KCNA6: variants seen among roughly 807,000 people sequenced by gnomAD.
KCNA6 encodes the protein human brain potassium channel-2.
A neutral mutation model predicts 29.5 loss-of-function variants in KCNA6; 17 were observed. The ratio of observed to expected loss-of-function variants is 0.58; its 90% CI spans 0.39 to 0.86. The LOEUF is 0.86. Ranked by LOEUF, KCNA6 falls within the 40% of genes least tolerant of loss-of-function variation. KCNA6 has a pLI of 0.00. For missense variants in KCNA6, 450 were observed against 703.4 expected, an observed-to-expected ratio of 0.64 and a Z score of 4.07; for synonymous variants, 296 against 304.7, an observed-to-expected ratio of 0.97 and a Z score of 0.30.
chr12:4,843,307 T>A, the KCNA6 span, among the ~76,000 whole-genome samples: 3 of 151,790 alleles, frequency 2.0e-5, no homozygotes, highest in Admixed American at 1.3e-4. Flanking sequence ...CAGCCTCCCG[T>A]GTAGCTGGGA....
the KCNA6 span, among the ~76,000 whole-genome samples, chr12:4,818,919 CATACATACAT>C: frequency 6.6e-6 from 1 of 151,870 alleles, no homozygotes; most frequent in East Asian, 1.9e-4. Flanking sequence ...CATACATACA[CATACATACAT>C]ACACAAAAAC....
the KCNA6 span, chr12:4,850,669 C>A: frequency 2.7e-6 from 1 of 373,370 alleles, no homozygotes; most frequent in Non-Finnish European, 5.5e-6. This position sits in a 1 kb window ranked among gnomAD's most constrained non-coding sequence, Gnocchi z 5.4. Context: ...TTTCTCAGTT[C>A]CATCCCTCAT....
chr12:4,837,216 G>C, the KCNA6 span, among the ~76,000 whole-genome samples: 3 of 152,216 alleles, frequency 2.0e-5, no homozygotes, highest in Non-Finnish European at 4.4e-5. Flanking sequence ...AACACATTGA[G>C]GTTCCTAGAA....
At position 4,811,695 on chromosome 12, in the gene KCNA6, A is replaced by C; in HGVS notation, c.*64A>C. The C allele has an allele frequency of 4.1e-5, 63 of 1,532,800 alleles. No homozygotes were observed. The highest frequency in any genetic ancestry group is 1.8e-4 in the Middle Eastern group (1 of 5,662). The allele number at this position is 1,532,800 out of a possible 1,614,324, so 94.9% of individuals were successfully genotyped here. A position where few individuals can be genotyped will look rare whatever the true frequency, so the allele number is the denominator to read the frequency against. Reference sequence around the variant, plus strand: ...TAACAGTCTCTTAGGCTTCCTTCTCATTTCCACTACTCACTCTAGCTTCAG... The same window carrying C: ...TAACAGTCTCTTAGGCTTCCTTCTCCTTTCCACTACTCACTCTAGCTTCAG... On this transcript the variant is annotated 3_prime_UTR_variant, in exon 1 of 1. Coordinates refer to ENST00000280684, the Ensembl canonical transcript of KCNA6. The surrounding 1 kb of genome is among the most constrained non-coding windows in gnomAD (Gnocchi z 7.1).
chr12:4,812,050 C>T (rs1019496036), exon 1 of KCNA6: 9 of 186,876 alleles, frequency 4.8e-5, no homozygotes, highest in Admixed American at 2.3e-4. Flanking sequence ...TGTGCGTTTC[C>T]TAGCTTCAGG....
chr12:4,816,088 G>T (rs1288179671), downstream of KCNA6, among the ~76,000 whole-genome samples: 1 of 152,216 alleles, frequency 6.6e-6, no homozygotes, highest in Non-Finnish European at 1.5e-5. Context: ...CATCTGGGCT[G>T]GGAGAACGGT....
chr12:4,811,019 A>G lies in KCNA6; in HGVS notation c.978A>G (p.Gly326=), dbSNP rs1323538582. Residue 326 remains glycine (G), a synonymous_variant, in exon 1 of 1, where the codon GGA becomes GGG. Coordinates refer to ENST00000280684, the Ensembl canonical transcript of KCNA6. This position sits in a 1 kb window ranked among gnomAD's most constrained non-coding sequence, Gnocchi z 7.1. ...AGCAGGAGCAGCAACCAGCCAGTGG[A>G]GGAGGCGGCCAGAATGGGCAGCAGG... 3 of 1,614,232 alleles carry G rather than the reference A, an allele frequency of 1.9e-6. No homozygotes were observed.
At chr12:4,840,939 G>A in the KCNA6 span, among the ~76,000 whole-genome samples, 14 of 152,276 alleles carry the variant, frequency 9.2e-5, no homozygotes, top group South Asian at 2.9e-3. Flanking sequence ...TGTCTGAGGG[G>A]AGCTTATTTA....
chr12:4,823,151 AGTT>A, the KCNA6 span, among the ~76,000 whole-genome samples: 2 of 152,140 alleles, frequency 1.3e-5, no homozygotes, highest in Non-Finnish European at 1.5e-5. Flanking sequence ...GTTTCCAAAA[AGTT>A]GTTGTTGTTT....
At chr12:4,849,566 TG>T in the KCNA6 span, among the ~76,000 whole-genome samples, 2 of 146,264 alleles carry the variant, frequency 1.4e-5, no homozygotes, top group Admixed American at 1.4e-4. Context: ...AGGAAGCCTC[TG>T]GGCAATGTCC....
At chr12:4,843,803 C>T in the KCNA6 span, among the ~76,000 whole-genome samples, 4 of 152,130 alleles carry the variant, frequency 2.6e-5, no homozygotes, top group Admixed American at 6.5e-5. Context: ...AGAACTCACT[C>T]GCTATCTCAA....
chr12:4,848,651 C>T, the KCNA6 span, among the ~76,000 whole-genome samples: 1,097 of 152,170 alleles, frequency 7.2e-3, 12 homozygotes, highest in Non-Finnish European at 0.012. Flanking sequence ...TCTCCTGCTT[C>T]GGCCTGCCGA....
the KCNA6 span, chr12:4,839,193 C>A: frequency 6.6e-6 from 1 of 152,152 alleles, no homozygotes; most frequent in Non-Finnish European, 1.5e-5. Context: ...GACCTGTAAA[C>A]AACATGGGTT....
At chr12:4,847,201 T>C in the KCNA6 span, among the ~76,000 whole-genome samples, 2 of 152,216 alleles carry the variant, frequency 1.3e-5, no homozygotes, top group African/African-American at 2.4e-5. Context: ...TAGTTTCTAA[T>C]GATGCTTTTG....
downstream of KCNA6, among the ~76,000 whole-genome samples, chr12:4,815,060 A>G (rs1565404955): frequency 6.6e-6 from 1 of 150,824 alleles, no homozygotes. Context: ...CCTTCTTTTC[A>G]TTCTTACTGT....
the KCNA6 span, among the ~76,000 whole-genome samples, chr12:4,848,512 A>AG: frequency 1.3e-5 from 1 of 77,012 alleles, no homozygotes; most frequent in South Asian, 3.4e-4. Context: ...TTCAGGAGGG[A>AG]GCAAAAAAAA....
At position 4,810,406 on chromosome 12, in the gene KCNA6, G is replaced by A. The variant is rs140807265; in HGVS notation, c.365G>A (p.Arg122His). 1.2e-6 allele frequency: 2 copies of A among 1,614,142 alleles called. No homozygotes were observed. Among genetic ancestry groups the A allele is most frequent in the East Asian group, 2.2e-5 (1 of 44,866 alleles). Residue 122 changes from arginine to histidine, a missense_variant, in exon 1 of 1, where the codon CGC (arginine) becomes CAC (histidine). Around this residue, in one of 7 missense-constraint regions of KCNA6, gnomAD observed 133 missense variants for 217.5 expected, o/e 0.61. Transcript: ENST00000280684. This position sits in a 1 kb window ranked among gnomAD's most constrained non-coding sequence, Gnocchi z 7.5. ...CTGGACATTTTCCTGGAGGAGATCC[G>A]CTTCTACCAGCTGGGGGACGAGGCC...
chr12:4,827,242 TC>T, the KCNA6 span, among the ~76,000 whole-genome samples: 1 of 113,240 alleles, frequency 8.8e-6, no homozygotes, highest in African/African-American at 3.3e-5. Flanking sequence ...CTTCCTTCCT[TC>T]CCTCCTTCCT....
downstream of KCNA6, among the ~76,000 whole-genome samples, chr12:4,815,095 A>T (rs1946669281): frequency 6.7e-6 from 1 of 148,906 alleles, no homozygotes; most frequent in Non-Finnish European, 1.5e-5. Flanking sequence ...CCCTTTCTCC[A>T]GTTTTCTTTC....
Sources: gnomAD v4.1 joint callset for allele counts (sites outside exome capture counted in the v4.1 genomes callset) on GRCh38, gnomAD v4.1.1 for gene constraint, gnomAD v4.1.1 regional missense constraint, Gnocchi (gnomAD v3.1) non-coding constraint, MANE v1.5 for transcripts, NCBI Gene and HGNC (gene_info 2026-07-23, HGNC 2026-07-21) for gene names.